Variants in CACNA1F observed in about 807,000 individuals in gnomAD.
The protein encoded by CACNA1F is calcium voltage-gated channel subunit alpha1 F, also known as voltage-dependent L-type calcium channel subunit alpha-1F.
CACNA1F carries 59 observed loss-of-function variants against 143.8 expected under a neutral mutation model. The observed-to-expected ratio is 0.41, with a 90% confidence interval of 0.33 to 0.51. The LOEUF (loss-of-function observed/expected upper bound fraction) is 0.51, where lower values mean the gene tolerates loss of function less well. CACNA1F is among the 20% of genes least tolerant of loss of function. The pLI is 0.22. For missense variants in CACNA1F, 1,411 were observed against 1,647.5 expected, an observed-to-expected ratio of 0.86 and a Z score of 2.48; for synonymous variants, 643 against 649.1, an observed-to-expected ratio of 0.99 and a Z score of 0.14.
chrX:49,218,484 G>C lies in CACNA1F; in HGVS notation c.2899C>G (p.Arg967Gly). ...LRVLRVLRPL[R>G]AINRAKGLKH... The stretch of plus-strand genomic sequence containing the variant: ...AGTCCCTTGGCCCTGTTGATGGCTC[G>C]GAGGGGCCGCAGTACTCGGAGTACT... The change falls in exon 24 of 48, where the codon CGA (arginine) becomes GGA (glycine). Residue 967 changes from arginine to glycine, a missense_variant. Arg to Gly is a moderately radical substitution (Grantham distance 125). Around this residue, in one of 3 missense-constraint regions of CACNA1F, gnomAD observed 950 missense variants for 1,128.1 expected, o/e 0.84. Transcript: ENST00000323022. 2.5e-6 allele frequency: 3 copies of C among 1,183,973 alleles called. No homozygotes were observed. Among genetic ancestry groups the C allele is most frequent in the Non-Finnish European group, 3.4e-6 (3 of 881,937 alleles).
Position 49,218,493 on chromosome X carries a change from G to A in CACNA1F, c.2890C>T (p.Arg964Trp), listed in dbSNP as rs868924441. 5.9e-6 allele frequency: 7 copies of A among 1,182,201 alleles called. No individual in the cohort carries two copies. The highest frequency in any genetic ancestry group is 7.9e-6 in the Non-Finnish European group (7 of 881,823). The change falls in exon 24 of 48, where the codon CGG (arginine) becomes TGG (tryptophan). Residue 964 changes from arginine to tryptophan, a missense_variant. Around this residue, in one of 3 missense-constraint regions of CACNA1F, gnomAD observed 950 missense variants for 1,128.1 expected, o/e 0.84. Coordinates refer to ENST00000323022, the MANE Select transcript of CACNA1F (RefSeq NM_001256789.3). ...VKILRVLRVL[R>W]PLRAINRAKG... ...GCCCTGTTGATGGCTCGGAGGGGCC[G>A]CAGTACTCGGAGTACTCGCAGAATC...
intron 8 of CACNA1F, 80 bp from the exon 9 acceptor site, chrX:49,227,207 C>G (rs2065835448): frequency 2.5e-6 from 2 of 786,495 alleles, no homozygotes; most frequent in Admixed American, 2.6e-5. Context: ...CACTAGCCTC[C>G]TAGCTACTCT....
intron 33 of CACNA1F, 42 bp downstream of exon 33, chrX:49,212,625 A>T: frequency 3.4e-6 from 4 of 1,191,808 alleles, no homozygotes; most frequent in Non-Finnish European, 4.5e-6. Context: ...GAAGTGTGAA[A>T]TGGGGGCGAG....
chrX:49,221,472 G>A (rs2065774297), intron 17 of CACNA1F, among the ~76,000 whole-genome samples: 1 of 110,621 alleles, frequency 9.0e-6, no homozygotes, highest in African/African-American at 3.3e-5. Flanking sequence ...GCAGTGGTGC[G>A]ATATTGGCTC....
chrX:49,233,086 G>T (rs1018361719), intron 1 of CACNA1F, among the ~76,000 whole-genome samples, 199 bp downstream of exon 1: 3 of 109,534 alleles, frequency 2.7e-5, no homozygotes, highest in Admixed American at 9.8e-5. Context: ...GAGGCCATGG[G>T]GGGTGGTGTC....
At position 49,210,995 on chromosome X, in the gene CACNA1F, C is replaced by G. The variant is rs1557106085; in HGVS notation, c.4358G>C (p.Arg1453Thr). The change falls in exon 37 of 48, where the codon AGG becomes ACG. Residue 1453 changes from arginine (R) to threonine (T), a missense_variant. Arg to Thr is a moderately conservative substitution (Grantham distance 71, BLOSUM62 -1). Around this residue, in one of 3 missense-constraint regions of CACNA1F, gnomAD observed 112 missense variants for 169.2 expected, o/e 0.66. Transcript: ENST00000323022. Reference protein sequence around the residue: ...LGPHHLDEFKRIWSEYDPGAK... With the variant: ...LGPHHLDEFKTIWSEYDPGAK... The stretch of plus-strand genomic sequence containing the variant: ...CCCAGGGTCATATTCAGACCAGATC[C>G]TCTTGAATTCATCAAGGTGATGGGG... 1.7e-6 allele frequency: 2 copies of G among 1,207,387 alleles called. No homozygotes were observed. The highest frequency in any genetic ancestry group is 5.9e-5 in the East Asian group (2 of 33,798).
chrX:49,218,221 G>A (rs782460289), intron 24 of CACNA1F, among the ~76,000 whole-genome samples: 1 of 112,394 alleles, frequency 8.9e-6, no homozygotes, highest in East Asian at 2.8e-4. Flanking sequence ...GTGGGGATCT[G>A]TGGCCACCTG....
At chrX:49,227,254 T>TG in intron 8 of CACNA1F, 127 bp from the exon 9 acceptor site, 3 of 534,255 alleles carry the variant, frequency 5.6e-6, no homozygotes, top group Non-Finnish European at 3.2e-6. Flanking sequence ...TCAGGGCCTT[T>TG]GCACTGACCA....
At chrX:49,218,113 G>A in intron 24 of CACNA1F, 108 bp from the exon 25 acceptor site, 1 of 563,285 alleles carries the variant, frequency 1.8e-6, no homozygotes, top group Non-Finnish European at 3.0e-6. Flanking sequence ...GGGACATGTG[G>A]TGATGGGTCA....
At position 49,226,486 on chromosome X, in the gene CACNA1F, A is replaced by G. The variant is rs1019186749; in HGVS notation, c.1386T>C (p.Ser462=). ...STSSHASLPA[S]DTGSMTETQG... ...GGGTCTCTGTCATGGAACCGGTGTC[A>G]CTGGCTGGGAGGCTGGCTGTAGGCA... is the stretch of plus-strand genomic sequence containing the variant. The change falls in exon 11 of 48, where the codon AGT becomes AGC. Residue 462 remains serine, a synonymous_variant. Transcript: ENST00000323022. The G allele has an allele frequency of 8.4e-6, 10 of 1,187,307 alleles. No homozygotes were observed. The highest frequency in any genetic ancestry group is 1.1e-5 in the Non-Finnish European group (10 of 883,254).
Position 49,226,838 on chromosome X carries a change from G to T in CACNA1F, c.1276+132C>A, listed in dbSNP as rs1162897995. 4 of 1,022,220 alleles carry T rather than the reference G, an allele frequency of 3.9e-6. No homozygotes were observed. In the African/African-American group the frequency reaches 5.6e-5, roughly 14 times the overall value. The allele number at this position is 1,022,220 out of a possible 1,213,427, so 84.2% of individuals were successfully genotyped here. On this transcript the variant is annotated intron_variant, in intron 9 of 47. Coordinates refer to ENST00000323022, the MANE Select transcript of CACNA1F (RefSeq NM_001256789.3). ...CTGCATTTTGAGCCATAACTTGGGG[G>T]CTGGGGCTAGAGTTGTTGCAGATCA...
Position 49,226,599 on chromosome X carries a change from T to C in CACNA1F, c.1369+11A>G. The C allele has an allele frequency of 2.6e-6, 3 of 1,173,576 alleles. No homozygotes were observed. Among genetic ancestry groups the C allele is most frequent in the South Asian group, 1.9e-5 (1 of 53,042 alleles). On this transcript the variant is annotated intron_variant, in intron 10 of 47. Transcript: ENST00000323022. ...CTACCCACCCCCACCCCAGCCTGGC[T>C]GGACCCCCACCATGGCTGCTGGTGG...
intron 29 of CACNA1F, among the ~76,000 whole-genome samples, 170 bp from the exon 30 acceptor site, chrX:49,214,439 C>T (rs2065690718): frequency 8.9e-6 from 1 of 112,481 alleles, no homozygotes; most frequent in African/African-American, 3.2e-5. Flanking sequence ...AAGTTTAGTT[C>T]TTGATTACTA....
At position 49,230,974 on chromosome X, in the gene CACNA1F, C is replaced by G. The variant is rs782774526; in HGVS notation, c.397G>C (p.Val133Leu). 1 of 1,163,683 alleles carries G rather than the reference C, an allele frequency of 8.6e-7. No individual in the cohort carries two copies. The highest frequency in any genetic ancestry group is 3.0e-5 in the East Asian group (1 of 33,153). The change falls in exon 4 of 48, where the codon GTA becomes CTA. Residue 133 changes from valine (V) to leucine (L), a missense_variant. Transcript: ENST00000323022. ...TCCACAGTGAAAATCACCAGGAATA[C>G]GTACTCCACCTGCTCCTGGGGGTGG... ...ANHNLEQVEY[V>L]FLVIFTVETV...
chrX:49,210,101 C>G, intron 39 of CACNA1F, 59 bp from the exon 40 acceptor site: 1 of 879,866 alleles, frequency 1.1e-6, no homozygotes, highest in Middle Eastern at 2.7e-4. Context: ...CAGCTGCCCC[C>G]TCACTGTTGG....
chrX:49,207,831 T>C (rs899777263), intron 43 of CACNA1F, among the ~76,000 whole-genome samples: 2 of 110,231 alleles, frequency 1.8e-5, no homozygotes. Context: ...TTTCATCCTT[T>C]CTTTATCCCT....
At chrX:49,205,520 C>T in intron 47 of CACNA1F, 96 bp downstream of exon 47, 1 of 939,490 alleles carries the variant, frequency 1.1e-6, no homozygotes, top group Non-Finnish European at 1.5e-6. Context: ...TCTACATGCA[C>T]AACACAGGAC....
chrX:49,209,654 G>A lies in CACNA1F; in HGVS notation c.4796C>T (p.Ala1599Val), dbSNP rs1179753864. The A allele has an allele frequency of 2.1e-5, 25 of 1,209,704 alleles. No homozygotes were observed. The highest frequency in any genetic ancestry group is 2.7e-5 in the Non-Finnish European group (24 of 894,806). ...KEKGLLGNDA[A>V]PSTSSALQAG... ...CTGAAGGGCGGAAGAGGTGCTAGGG[G>A]CGGCGTCGTTGCCTAGTAGCCCTTT... The change falls in exon 41 of 48, where the codon GCC becomes GTC. Residue 1599 changes from alanine to valine, a missense_variant. This residue lies in a region of CACNA1F where 349 missense variants were observed against 350.2 expected (regional missense o/e 1.00). Coordinates refer to ENST00000323022, the MANE Select transcript of CACNA1F (RefSeq NM_001256789.3).
Position 49,208,653 on chromosome X carries a change from C to T in CACNA1F, c.4985G>A (p.Arg1662Gln), listed in dbSNP as rs202214415. Residue 1662 changes from arginine to glutamine, a missense_variant, in exon 43 of 48, where the codon CGG (arginine) becomes CAG (glutamine). Physicochemically the swap from Arg to Gln is conservative, Grantham distance 43. This residue lies in a region of CACNA1F where 349 missense variants were observed against 350.2 expected (regional missense o/e 1.00). Transcript: ENST00000323022. Reference sequence around the variant, plus strand: ...CAGAGACACAGAAATCCCGGAGCCCCGGCGAGCTGAGGGCTGGGAGACCAT... The same window carrying T: ...CAGAGACACAGAAATCCCGGAGCCCTGGCGAGCTGAGGGCTGGGAGACCAT... ...ATMVSQPSARRGSGISVSLPV... is the reference protein window; with the variant it reads ...ATMVSQPSARQGSGISVSLPV... 117 of 1,208,807 alleles carry T rather than the reference C, an allele frequency of 9.7e-5. No homozygotes were observed. The highest frequency in any genetic ancestry group is 6.9e-4 in the Middle Eastern group (3 of 4,344).
Sources: allele counts gnomAD v4.1 joint callset (sites outside exome capture counted in the v4.1 genomes callset), GRCh38; gene constraint gnomAD v4.1.1; regional missense constraint gnomAD v4.1.1; transcripts MANE v1.5; gene names NCBI Gene and HGNC (gene_info 2026-07-23, HGNC 2026-07-21).